Variants in CNTNAP2 observed in about 807,000 individuals in gnomAD.
CNTNAP2 encodes contactin-associated protein-like 2.
CNTNAP2 carries 98 observed loss-of-function variants against 155.2 expected under a neutral mutation model. That is an observed-to-expected ratio of 0.63 (90% confidence interval 0.54 to 0.75). CNTNAP2 has a LOEUF of 0.75. Ranked by LOEUF, CNTNAP2 falls within the 30% of genes least tolerant of loss-of-function variation. The pLI, the probability that CNTNAP2 is intolerant of heterozygous loss-of-function variation, is 0.00. For missense variants in CNTNAP2, 1,727 were observed against 1,688.1 expected (o/e 1.02, Z -0.40); for synonymous variants, 651 against 631.2 (o/e 1.03, Z -0.47).
At chr7:146,198,875 AT>A (rs1437659425) in intron 1 of CNTNAP2, among the ~76,000 whole-genome samples, 1 of 151,938 alleles carries the variant, frequency 6.6e-6, no homozygotes, top group Non-Finnish European at 1.5e-5. Flanking sequence ...ATTTCTTGGC[AT>A]TTTTATTAGT....
At position 146,774,376 on chromosome 7, in the gene CNTNAP2, G is replaced by C; in HGVS notation, c.203G>C (p.Arg68Thr). 1 of 1,612,770 alleles carries C rather than the reference G, an allele frequency of 6.2e-7. No individual in the cohort carries two copies. Among genetic ancestry groups the C allele is most frequent in the Non-Finnish European group, 8.5e-7 (1 of 1,179,098 alleles). ...YSPGYAKINK[R>T]GGAGGWSPSD... is the part of the protein sequence containing the mutation. ...CCCGGCTATGCCAAGATAAACAAGA[G>C]AGGAGGTAAGCCAAATTTTGATTCT... Residue 68 changes from arginine (R) to threonine (T), a missense_variant, in exon 2 of 24, where the codon AGA becomes ACA. Coordinates refer to ENST00000361727, the MANE Select transcript of CNTNAP2 (RefSeq NM_014141.6).
rs181466872 is a variant in CNTNAP2, at chr7:146,145,585, A to C, written c.97+28612A>C. ...TGTGCCGGTTTCCCAGTGGAGGTAC[A>C]TGGAGAAATAAGAATTGTTTCCTTC... On this transcript the variant is annotated intron_variant, in intron 1 of 23. Transcript: ENST00000361727. Among the ~76,000 whole-genome samples the C allele has an allele frequency of 2.6e-4, 40 of 152,280 alleles. No individual in the cohort carries two copies. The East Asian group carries it at 7.5e-3, about 29-fold the overall frequency.
chr7:147,416,206 G>A (rs1355567678), intron 10 of CNTNAP2, among the ~76,000 whole-genome samples: 1 of 152,150 alleles, frequency 6.6e-6, no homozygotes, highest in Non-Finnish European at 1.5e-5. Context: ...ATTACAATCA[G>A]TTTCTCAACC....
At chr7:147,084,918 A>G (rs1209613466) in intron 4 of CNTNAP2, among the ~76,000 whole-genome samples, 3 of 151,456 alleles carry the variant, frequency 2.0e-5, no homozygotes, top group Non-Finnish European at 2.9e-5. Context: ...AACTTTAGTC[A>G]TATCATTTAA....
At chr7:147,535,486 G>A (rs1450460885) in intron 11 of CNTNAP2, among the ~76,000 whole-genome samples, 1 of 152,112 alleles carries the variant, frequency 6.6e-6, no homozygotes, top group Non-Finnish European at 1.5e-5. Context: ...ATATGACAGT[G>A]GAAAAAGATT....
At chr7:146,919,109 T>G (rs2129219411) in intron 3 of CNTNAP2, among the ~76,000 whole-genome samples, 1 of 152,294 alleles carries the variant, frequency 6.6e-6, no homozygotes, top group South Asian at 2.1e-4. Context: ...TTTTGACTTC[T>G]TTATGTTGGA....
chr7:147,374,671 C>T (rs1485304138), intron 9 of CNTNAP2, among the ~76,000 whole-genome samples: 2 of 151,942 alleles, frequency 1.3e-5, no homozygotes, highest in Non-Finnish European at 2.9e-5. Context: ...TCCATTGAGA[C>T]AGTATGCTTC....
intron 1 of CNTNAP2, among the ~76,000 whole-genome samples, chr7:146,464,406 T>C (rs1796686801): frequency 6.6e-6 from 1 of 152,126 alleles, no homozygotes. Flanking sequence ...TATATTGTCC[T>C]AAAATGAATT....
chr7:146,519,123 G>A (rs1448916200), intron 1 of CNTNAP2, among the ~76,000 whole-genome samples: 1 of 151,860 alleles, frequency 6.6e-6, no homozygotes, highest in East Asian at 1.9e-4. Context: ...TGTCCGGAGT[G>A]CTTGGTGTAA....
chr7:148,309,677 C>G (rs181061265), intron 21 of CNTNAP2, among the ~76,000 whole-genome samples: 1 of 151,164 alleles, frequency 6.6e-6, no homozygotes, highest in Non-Finnish European at 1.5e-5. Context: ...GAATTTCACA[C>G]GATAATGTCA....
At chr7:147,738,443 G>A (rs10240760) in intron 13 of CNTNAP2, among the ~76,000 whole-genome samples, 146,599 of 152,246 alleles carry the variant, frequency 0.96, 70,800 homozygotes, top group East Asian at 1. Context: ...GGCCACCCCA[G>A]CTTTCAACAA....
At chr7:147,714,832 C>G (rs936769540) in intron 13 of CNTNAP2, among the ~76,000 whole-genome samples, 1 of 152,002 alleles carries the variant, frequency 6.6e-6, no homozygotes, top group African/African-American at 2.4e-5. Context: ...TACTTATTTA[C>G]AGCGGAATCT....
chr7:148,315,286 G>A (rs1031764659), intron 21 of CNTNAP2, among the ~76,000 whole-genome samples: 2 of 152,146 alleles, frequency 1.3e-5, no homozygotes, highest in African/African-American at 2.4e-5. Flanking sequence ...GGTGCAGGCA[G>A]GCTGAGTCCA....
chr7:147,739,951 C>G (rs774821957), intron 13 of CNTNAP2, among the ~76,000 whole-genome samples: 1 of 152,118 alleles, frequency 6.6e-6, no homozygotes, highest in Non-Finnish European at 1.5e-5. Flanking sequence ...CCACATTGCC[C>G]AAGGCTGGCC....
chr7:147,498,796 TC>T (rs888706749), intron 11 of CNTNAP2, among the ~76,000 whole-genome samples: 2 of 152,194 alleles, frequency 1.3e-5, no homozygotes, highest in African/African-American at 4.8e-5. Context: ...TAGTTTTTTT[TC>T]CCATTTGTCA....
chr7:146,721,164 C>G (rs1421758051), intron 1 of CNTNAP2, among the ~76,000 whole-genome samples: 1 of 128,962 alleles, frequency 7.8e-6, no homozygotes, highest in Non-Finnish European at 1.6e-5. Context: ...TATATATATT[C>G]TCTCTATATA....
chr7:147,152,032 G>A (rs1203119993), intron 8 of CNTNAP2, among the ~76,000 whole-genome samples: 1 of 152,122 alleles, frequency 6.6e-6, no homozygotes, highest in African/African-American at 2.4e-5. Flanking sequence ...ATGGAAAATG[G>A]TGGAAAGCAT....
intron 13 of CNTNAP2, among the ~76,000 whole-genome samples, chr7:147,796,976 G>C (rs564470378): frequency 6.6e-6 from 1 of 152,218 alleles, no homozygotes; most frequent in South Asian, 2.1e-4. Flanking sequence ...TAATGATCAA[G>C]ATCGTGGAGA....
At chr7:147,001,889 A>G in intron 3 of CNTNAP2, among the ~76,000 whole-genome samples, 1 of 152,132 alleles carries the variant, frequency 6.6e-6, no homozygotes, top group Middle Eastern at 3.4e-3. Flanking sequence ...ATTTTTAGAT[A>G]GATCCAAATA....
Sources: allele counts gnomAD v4.1 joint callset (sites outside exome capture counted in the v4.1 genomes callset), GRCh38; gene constraint gnomAD v4.1.1; transcripts MANE v1.5; gene names NCBI Gene and HGNC (gene_info 2026-07-23, HGNC 2026-07-21).